Variants in LNX1 observed in about 807,000 individuals in gnomAD.
The protein encoded by LNX1 is E3 ubiquitin-protein ligase LNX.
A neutral mutation model predicts 68.4 loss-of-function variants in LNX1; 54 were observed. That is an observed-to-expected ratio of 0.79 (90% CI 0.63 to 0.99). LNX1 has a LOEUF of 0.99. Among genes scored for constraint, LNX1 ranks in the 50% least tolerant of loss-of-function variants. LNX1 has a pLI of 0.00. For synonymous variants in LNX1, 336 were observed against 350.0 expected, an observed-to-expected ratio of 0.96 and a Z score of 0.45; for missense variants, 906 against 926.4, an observed-to-expected ratio of 0.98 and a Z score of 0.29.
At chr4:53,641,431 G>C (rs1734677941) in intron 1 of LNX1, among the ~76,000 whole-genome samples, 1 of 152,210 alleles carries the variant, frequency 6.6e-6, no homozygotes, top group South Asian at 2.1e-4. Flanking sequence ...ACATTATCCA[G>C]GCAGTGCTGA....
intron 2 of LNX1, among the ~76,000 whole-genome samples, chr4:53,607,745 A>G (rs1186252684): frequency 2.0e-5 from 3 of 152,228 alleles, no homozygotes; most frequent in African/African-American, 7.2e-5. Flanking sequence ...ATAATAGCCA[A>G]ACAGCATGGT....
At chr4:53,535,157 A>G (rs143608926) in intron 2 of LNX1, among the ~76,000 whole-genome samples, 146 of 152,362 alleles carry the variant, frequency 9.6e-4, no homozygotes, top group African/African-American at 3.3e-3. Context: ...AGGAACACAA[A>G]GGATGTAATC....
At chr4:53,477,977 C>T (rs1427550078) in intron 8 of LNX1, among the ~76,000 whole-genome samples, 3 of 152,104 alleles carry the variant, frequency 2.0e-5, no homozygotes, top group South Asian at 4.1e-4. Flanking sequence ...GAGCTACCTA[C>T]CCTCTTGAAT....
chr4:53,591,349 C>G, intron 1 of LNX1, 39 bp downstream of exon 1: 1 of 980,904 alleles, frequency 1.0e-6, no homozygotes, highest in Non-Finnish European at 1.2e-6. Context: ...GGCCAGTGGT[C>G]TAAATGCCAA....
chr4:53,473,336 A>G (rs1723360846), intron 9 of LNX1, among the ~76,000 whole-genome samples: 1 of 152,186 alleles, frequency 6.6e-6, no homozygotes, highest in African/African-American at 2.4e-5. Flanking sequence ...GCATTGAAGG[A>G]AAGATGCAAA....
chr4:53,569,996 T>C (rs567555138), intron 2 of LNX1, among the ~76,000 whole-genome samples: 45 of 152,304 alleles, frequency 3.0e-4, no homozygotes, highest in Middle Eastern at 6.8e-3. Context: ...ATGGCGATCA[T>C]TGAAAAGTCA....
At chr4:53,620,968 T>C (rs959020642), upstream of LNX1, among the ~76,000 whole-genome samples, 2 of 152,200 alleles carry the variant, frequency 1.3e-5, no homozygotes, top group Non-Finnish European at 2.9e-5. Flanking sequence ...TAGTTGTTAC[T>C]CCTGTTAGTT....
intron 1 of LNX1, among the ~76,000 whole-genome samples, chr4:53,641,980 T>A (rs1734702917): frequency 6.6e-6 from 1 of 152,046 alleles, no homozygotes. Context: ...AAACCTGCCA[T>A]GAAACCAAGA....
At chr4:53,644,335 A>G (rs1321556506) in intron 1 of LNX1, among the ~76,000 whole-genome samples, 1 of 152,042 alleles carries the variant, frequency 6.6e-6, no homozygotes, top group Admixed American at 6.6e-5. Flanking sequence ...CAGGAGGTGG[A>G]GGGTTGCAGT....
At chr4:53,521,113 A>G (rs1413135688) in intron 2 of LNX1, among the ~76,000 whole-genome samples, 5 of 152,144 alleles carry the variant, frequency 3.3e-5, no homozygotes, top group Non-Finnish European at 5.9e-5. Context: ...GAATAACTGG[A>G]AAGGGTGGGT....
chr4:53,553,295 C>G (rs766934286), intron 2 of LNX1, among the ~76,000 whole-genome samples: 4 of 152,066 alleles, frequency 2.6e-5, no homozygotes, highest in Non-Finnish European at 5.9e-5. Flanking sequence ...CATACGGATC[C>G]CCTGGGGAGT....
chr4:53,490,658 A>G (rs1306995037), intron 6 of LNX1, among the ~76,000 whole-genome samples: 5 of 152,246 alleles, frequency 3.3e-5, no homozygotes, highest in Non-Finnish European at 7.3e-5. Flanking sequence ...GAACATGACC[A>G]AAAAACATGT....
At chr4:53,563,536 T>A (rs1236109205) in intron 2 of LNX1, among the ~76,000 whole-genome samples, 1 of 145,764 alleles carries the variant, frequency 6.9e-6, no homozygotes, top group Middle Eastern at 3.4e-3. Flanking sequence ...AGCTTCAAAT[T>A]CTTTTTTTTT....
At chr4:53,495,548 CT>C (rs199684639) in intron 6 of LNX1, among the ~76,000 whole-genome samples, 196 of 119,082 alleles carry the variant, frequency 1.6e-3, no homozygotes, top group Admixed American at 1.8e-3. Context: ...CATGGCATAG[CT>C]TTTTTTTTTT....
chr4:53,643,131 T>C (rs1240035847), intron 1 of LNX1, among the ~76,000 whole-genome samples: 1 of 152,128 alleles, frequency 6.6e-6, no homozygotes, highest in Non-Finnish European at 1.5e-5. Context: ...GCTAGTATTG[T>C]TGAGTCAAGA....
intron 1 of LNX1, among the ~76,000 whole-genome samples, chr4:53,587,255 A>C (rs1560682898): frequency 1.3e-5 from 2 of 152,212 alleles, no homozygotes; most frequent in African/African-American, 2.4e-5. Context: ...AGTTTACGGG[A>C]GACAACAAAC....
chr4:53,485,883 G>A (rs1390921517), intron 6 of LNX1, among the ~76,000 whole-genome samples: 2 of 152,202 alleles, frequency 1.3e-5, no homozygotes, highest in Non-Finnish European at 2.9e-5. Flanking sequence ...TATGTACCAA[G>A]AAAGTGGATA....
intron 1 of LNX1, among the ~76,000 whole-genome samples, chr4:53,623,284 A>G (rs1474946938): frequency 6.6e-6 from 1 of 150,666 alleles, no homozygotes; most frequent in African/African-American, 2.4e-5. Context: ...GCTCACTGCA[A>G]CCTCCTCCTC....
chr4:53,496,145 T>G lies in LNX1; in HGVS notation c.1228A>C (p.Asn410His). The G allele has an allele frequency of 6.2e-7, 1 of 1,614,124 alleles. No homozygotes were observed. The highest frequency in any genetic ancestry group is 8.5e-7 in the Non-Finnish European group (1 of 1,180,036). ...KVDEPGVFIF[N>H]VLDGGVAYRH... ...TATGCCACACCGCCATCCAGCACAT[T>G]GAAGATGAAAACCCCAGGCTCATCC... Residue 410 changes from asparagine (N) to histidine (H), a missense_variant, in exon 6 of 11, where the codon AAT becomes CAT. Asn to His is a moderately conservative substitution (Grantham distance 68, BLOSUM62 1). Transcript: ENST00000263925.
Sources: allele counts gnomAD v4.1 joint callset (sites outside exome capture counted in the v4.1 genomes callset), GRCh38; gene constraint gnomAD v4.1.1; transcripts MANE v1.5; gene names NCBI Gene and HGNC (gene_info 2026-07-23, HGNC 2026-07-21).